NLGN2: variants seen among roughly 807,000 people sequenced by gnomAD.
NLGN2 encodes neuroligin 2, also known as neuroligin-2.
Under a neutral mutation model 48.6 loss-of-function variants are expected in NLGN2, and 11 were observed. The observed-to-expected ratio is 0.23, with a 90% CI of 0.14 to 0.37. The LOEUF is 0.37. NLGN2 is among the 10% of genes least tolerant of loss of function. NLGN2 has a pLI of 1.00. For missense variants in NLGN2, 801 were observed against 1,225.2 expected (o/e 0.65, Z 5.17); for synonymous variants, 548 against 550.0 (o/e 1.00, Z 0.05).
At position 7,415,115 on chromosome 17, in the gene NLGN2, G is replaced by A. The variant is rs771468284; in HGVS notation, c.1004G>A (p.Arg335Gln). The change falls in exon 5 of 7, where the codon CGG becomes CAG. Residue 335 changes from arginine (R) to glutamine (Q), a missense_variant. Physicochemically the swap from Arg to Gln is conservative, Grantham distance 43 (BLOSUM62 1). This residue lies in a region of NLGN2 where 303 missense variants were observed against 600.1 expected (regional missense o/e 0.50). Transcript: ENST00000302926. ...AVECLRRKPS[R>Q]ELVDQDVQPA... The stretch of plus-strand genomic sequence containing the variant: ...GAGTGTCTGCGCCGGAAGCCCTCCC[G>A]GGAGCTGGTGGACCAGGACGTGCAG... The A allele has an allele frequency of 1.1e-5, 17 of 1,606,030 alleles. No individual in the cohort carries two copies. Among genetic ancestry groups the A allele is most frequent in the South Asian group, 9.9e-5 (9 of 90,746 alleles).
Position 7,408,202 on chromosome 17 carries a change from T to C in NLGN2, c.-54T>C, listed in dbSNP as rs1241413874. 6.1e-6 allele frequency: 6 copies of C among 986,210 alleles called. No homozygotes were observed. Among genetic ancestry groups the C allele is most frequent in the African/African-American group, 3.6e-5 (2 of 55,302 alleles). 61.1% of individuals were successfully genotyped at this position (986,210 alleles called of 1,614,324 possible). A position where few individuals can be genotyped will look rare whatever the true frequency, so the allele number is the denominator to read the frequency against. ...CCTCCCTCCCTCTCCCCCCCTTCTC[T>C]CTCTCTCCGAGGGGGGGGGGTCCCA... is the stretch of plus-strand genomic sequence containing the variant. On this transcript the variant is annotated 5_prime_UTR_variant, in exon 1 of 7. Transcript: ENST00000302926. This position sits in a 1 kb window ranked among gnomAD's most constrained non-coding sequence, Gnocchi z 7.5.
chr17:7,405,309 A>G (rs1906585293), upstream of NLGN2: 1 of 152,298 alleles, frequency 6.6e-6, no homozygotes, highest in South Asian at 2.1e-4. The surrounding 1 kb of genome is among the most constrained non-coding windows in gnomAD (Gnocchi z 6.8). Context: ...GAACCAGCGG[A>G]TCCTCAATCT....
upstream of NLGN2, among the ~76,000 whole-genome samples, chr17:7,406,268 G>A (rs1480642258): frequency 6.6e-6 from 1 of 151,970 alleles, no homozygotes; most frequent in Non-Finnish European, 1.5e-5. Context: ...GAGAGAGATG[G>A]GGGGGCCTCC....
chr17:7,409,643 C>G (rs536537295), intron 1 of NLGN2, among the ~76,000 whole-genome samples: 1 of 152,088 alleles, frequency 6.6e-6, no homozygotes, highest in Non-Finnish European at 1.5e-5. Context: ...GCTGCCACCA[C>G]GCTTCCCACA....
At chr17:7,406,111 GGA>G (rs762378221), upstream of NLGN2, among the ~76,000 whole-genome samples, 1 of 152,118 alleles carries the variant, frequency 6.6e-6, no homozygotes, top group African/African-American at 2.4e-5. Flanking sequence ...GAAGGCATTT[GGA>G]GAGAGAGAAA....
Position 7,408,651 on chromosome 17 carries a change from C to T in NLGN2, c.396C>T (p.Thr132=). The T allele has an allele frequency of 6.2e-7, 1 of 1,613,020 alleles. No individual in the cohort carries two copies. Among genetic ancestry groups the T allele is most frequent in the Non-Finnish European group, 8.5e-7 (1 of 1,179,778 alleles). Residue 132 remains threonine, a synonymous_variant, in exon 1 of 7, where the codon ACC becomes ACT. Coordinates refer to ENST00000302926, the MANE Select transcript of NLGN2 (RefSeq NM_020795.4). The surrounding 1 kb of genome is among the most constrained non-coding windows in gnomAD (Gnocchi z 7.5). ...WFTDNLEAAA[T]YVQNQSEDCL... ...CCGACAACTTGGAGGCGGCCGCCAC[C>T]TACGTGCAGAACCAGAGCGAGGACT...
At chr17:7,406,437 C>G (rs1906641544), upstream of NLGN2, among the ~76,000 whole-genome samples, 1 of 151,912 alleles carries the variant, frequency 6.6e-6, no homozygotes, top group Non-Finnish European at 1.5e-5. Context: ...AAAAGGAGAT[C>G]CTGGGGGAAT....
intron 1 of NLGN2, among the ~76,000 whole-genome samples, chr17:7,409,258 G>A (rs1906783022): frequency 6.6e-6 from 1 of 152,076 alleles, no homozygotes; most frequent in Admixed American, 6.6e-5. Context: ...GAGCACCTTG[G>A]CAGTGGTACC....
At chr17:7,416,489 C>T (rs1306516837) in intron 6 of NLGN2, among the ~76,000 whole-genome samples, 1 of 152,104 alleles carries the variant, frequency 6.6e-6, no homozygotes, top group African/African-American at 2.4e-5. Flanking sequence ...AATCCACTGA[C>T]AGCTCTCCAC....
At chr17:7,410,339 C>T (rs1195983364) in intron 1 of NLGN2, among the ~76,000 whole-genome samples, 3 of 151,860 alleles carry the variant, frequency 2.0e-5, no homozygotes, top group Non-Finnish European at 2.9e-5. Flanking sequence ...ATGCACAGAG[C>T]GTCATCTACT....
intron 2 of NLGN2, among the ~76,000 whole-genome samples, chr17:7,412,646 G>A (rs1269411014): frequency 1.3e-5 from 2 of 152,168 alleles, no homozygotes; most frequent in East Asian, 1.9e-4. Flanking sequence ...TGACACCATT[G>A]AAACATCAGA....
In NLGN2 at chr17:7,416,587, C is replaced by G. The variant is rs1907111046; in HGVS notation, c.1635-339C>G. On this transcript the variant is annotated intron_variant, in intron 6 of 6. Coordinates refer to ENST00000302926, the MANE Select transcript of NLGN2 (RefSeq NM_020795.4). ...AGCCTGGCTGTGTATCTGTCTCTGG[C>G]TGTCCCTCCCGTGTCTTTGACCCTG... 2.0e-5 allele frequency among the ~76,000 whole-genome samples: 3 copies of G among 152,156 alleles called. No individual in the cohort carries two copies. The South Asian group carries it at 6.2e-4, about 32-fold the overall frequency.
At chr17:7,412,583 T>C (rs1407319199) in intron 2 of NLGN2, among the ~76,000 whole-genome samples, 1 of 152,108 alleles carries the variant, frequency 6.6e-6, no homozygotes, top group East Asian at 1.9e-4. Context: ...AAAACCAATT[T>C]GAAATTGGAA....
chr17:7,405,208 C>A (rs1906578981), upstream of NLGN2: 1 of 152,410 alleles, frequency 6.6e-6, no homozygotes, highest in Admixed American at 6.5e-5. This position sits in a 1 kb window ranked among gnomAD's most constrained non-coding sequence, Gnocchi z 6.8. Context: ...GGCCCCGGGC[C>A]CCTGGGGATT....
rs1429882376 is a variant in NLGN2 at position 7,407,993 on chromosome 17, C to G, written c.-263C>G. The G allele has an allele frequency of 6.0e-6, 2 of 335,022 alleles. No homozygotes were observed. The highest frequency in any genetic ancestry group is 9.9e-5 in the Admixed American group (2 of 20,136). 20.8% of individuals were successfully genotyped at this position (335,022 alleles called of 1,614,324 possible). On this transcript the variant is annotated 5_prime_UTR_variant, in exon 1 of 7. Coordinates refer to ENST00000302926, the MANE Select transcript of NLGN2 (RefSeq NM_020795.4). Reference sequence around the variant, plus strand: ...GTCTGTATCCTGCCTCCCTGCCCCTCTCGCTCCACCCCCCGCAGGTCGGGC... The same window carrying G: ...GTCTGTATCCTGCCTCCCTGCCCCTGTCGCTCCACCCCCCGCAGGTCGGGC...
intron 2 of NLGN2, among the ~76,000 whole-genome samples, chr17:7,412,546 T>C (rs1906940809): frequency 6.6e-6 from 1 of 152,172 alleles, no homozygotes; most frequent in African/African-American, 2.4e-5. Flanking sequence ...TGGACAGTTT[T>C]GAAACTTGTG....
In NLGN2 at chr17:7,408,354, C is replaced by T. The variant is rs752170365; in HGVS notation, c.99C>T (p.Leu33=). 1.8e-5 allele frequency: 27 copies of T among 1,484,414 alleles called. No homozygotes were observed. Among genetic ancestry groups the T allele is most frequent in the Non-Finnish European group, 2.4e-5 (27 of 1,120,648 alleles). 92.0% of individuals were successfully genotyped at this position (1,484,414 alleles called of 1,614,324 possible). ...GGAPGGPGLG[L]GSLGEERFPV... ...CCCCGGGCGGCCCCGGCCTGGGCCT[C>T]GGCAGCCTCGGCGAGGAGCGCTTCC... The change falls in exon 1 of 7, where the codon CTC becomes CTT. Residue 33 remains leucine, a synonymous_variant. Transcript: ENST00000302926. The surrounding 1 kb of genome is among the most constrained non-coding windows in gnomAD (Gnocchi z 7.5).
intron 4 of NLGN2, 38 bp from the exon 5 acceptor site, chr17:7,414,917 GT>G (rs1567661658): frequency 6.2e-7 from 1 of 1,613,182 alleles, no homozygotes; most frequent in South Asian, 1.1e-5. Context: ...CTTCAGGCCG[GT>G]ACTCACAGCC....
In NLGN2 at chr17:7,419,361, A is replaced by C. The variant is rs1907293545; in HGVS notation, c.*1562A>C. 1 of 152,686 alleles carries C rather than the reference A, an allele frequency of 6.5e-6. No homozygotes were observed. Among genetic ancestry groups the C allele is most frequent in the Non-Finnish European group, 1.5e-5 (1 of 68,130 alleles). The allele number at this position is 152,686 out of a possible 1,614,324, so 9.5% of individuals were successfully genotyped here. ...CTTGGGCTTGGGCATTTGGGAAAAG[A>C]ATGATGTCTGGAAGGGCTTAAGGGA... On this transcript the variant is annotated 3_prime_UTR_variant, in exon 7 of 7. Transcript: ENST00000302926.
Sources: allele counts gnomAD v4.1 joint callset (sites outside exome capture counted in the v4.1 genomes callset), GRCh38; gene constraint gnomAD v4.1.1; regional missense constraint gnomAD v4.1.1; non-coding constraint Gnocchi (gnomAD v3.1); transcripts MANE v1.5; gene names NCBI Gene and HGNC (gene_info 2026-07-23, HGNC 2026-07-21).